SPIRE1: variants seen among roughly 807,000 people sequenced by gnomAD.
The protein encoded by SPIRE1 is spire type actin nucleation factor 1.
SPIRE1 carries 40 observed loss-of-function variants against 94.1 expected under a neutral mutation model. That is an observed-to-expected ratio of 0.43 (90% CI 0.33 to 0.55). The LOEUF is 0.55. Among genes scored for constraint, SPIRE1 ranks in the 20% least tolerant of loss-of-function variants. The pLI is 0.06. For missense variants in SPIRE1, 838 were observed against 975.2 expected, an observed-to-expected ratio of 0.86 and a Z score of 1.87; for synonymous variants, 376 against 371.7, an observed-to-expected ratio of 1.01 and a Z score of -0.13.
intron 2 of SPIRE1, among the ~76,000 whole-genome samples, chr18:12,588,074 A>C (rs905338966): frequency 2.6e-5 from 4 of 152,306 alleles, no homozygotes; most frequent in Non-Finnish European, 4.4e-5. Context: ...CATGTCATAT[A>C]ATGCAATCAT....
At chr18:12,503,585 G>T (rs1024943694) in intron 6 of SPIRE1, among the ~76,000 whole-genome samples, 1 of 152,098 alleles carries the variant, frequency 6.6e-6, no homozygotes, top group African/African-American at 2.4e-5. Flanking sequence ...TCCCATTGCT[G>T]CTTGATCTTT....
chr18:12,489,414 C>G (rs539588963), intron 8 of SPIRE1, among the ~76,000 whole-genome samples: 2 of 152,172 alleles, frequency 1.3e-5, no homozygotes, highest in East Asian at 3.9e-4. Flanking sequence ...TTCTCTAGCA[C>G]TTGAATATAT....
chr18:12,492,629 T>C (rs1489878069), intron 8 of SPIRE1, among the ~76,000 whole-genome samples: 5 of 152,214 alleles, frequency 3.3e-5, no homozygotes, highest in Non-Finnish European at 2.9e-5. Context: ...TATCTTTGTA[T>C]ATGCAATACA....
intron 2 of SPIRE1, among the ~76,000 whole-genome samples, chr18:12,552,656 T>G (rs1451408542): frequency 6.6e-6 from 1 of 152,154 alleles, no homozygotes; most frequent in African/African-American, 2.4e-5. Flanking sequence ...TGAAGATCCC[T>G]GTCCTATTCT....
chr18:12,662,053 T>C, upstream of SPIRE1: 1 of 348,908 alleles, frequency 2.9e-6, no homozygotes. Flanking sequence ...TACTTCATGC[T>C]TCATACTCTG....
At chr18:12,510,095 A>C (rs201676774) in intron 5 of SPIRE1, among the ~76,000 whole-genome samples, 40 of 151,800 alleles carry the variant, frequency 2.6e-4, no homozygotes, top group Admixed American at 1.9e-3. Context: ...AAAAAAAAAA[A>C]AAAACTAAAA....
At chr18:12,624,478 G>A (rs1425993112) in intron 2 of SPIRE1, among the ~76,000 whole-genome samples, 2 of 150,056 alleles carry the variant, frequency 1.3e-5, no homozygotes, top group South Asian at 2.1e-4. Context: ...AGGAGGCGGG[G>A]GTTGCAGTGA....
chr18:12,461,676 G>A (rs2031870273), intron 12 of SPIRE1, among the ~76,000 whole-genome samples: 1 of 151,196 alleles, frequency 6.6e-6, no homozygotes, highest in African/African-American at 2.4e-5. Flanking sequence ...CATCTACGCT[G>A]GGGTGGAGTG....
At chr18:12,490,660 C>G (rs2143843984) in intron 8 of SPIRE1, among the ~76,000 whole-genome samples, 2 of 152,188 alleles carry the variant, frequency 1.3e-5, no homozygotes, top group Middle Eastern at 6.8e-3. Flanking sequence ...ACATGATACA[C>G]CACCGTAACA....
intron 8 of SPIRE1, among the ~76,000 whole-genome samples, chr18:12,492,660 C>T (rs1373138310): frequency 6.6e-6 from 1 of 151,862 alleles, no homozygotes; most frequent in Non-Finnish European, 1.5e-5. Context: ...TATTTTTTTA[C>T]CATAATCCTA....
Position 12,454,598 on chromosome 18 carries a change from C to CTT in SPIRE1, c.1639-116_1639-115insAA. ...AGCTTCAGAGAAGAGAACAGGTTTC[C>CTT]CAATGACCACTGGGGCAGAGCTGGC... On this transcript the variant is annotated intron_variant, in intron 12 of 16. Transcript: ENST00000409402. 4 of 924,630 alleles carry CTT rather than the reference C, an allele frequency of 4.3e-6. No individual in the cohort carries two copies. The African/African-American group carries it at 5.3e-5, about 12-fold the overall frequency. 57.3% of individuals were successfully genotyped at this position (924,630 alleles called of 1,614,324 possible). A position where few individuals can be genotyped will look rare whatever the true frequency, so the allele number is the denominator to read the frequency against.
chr18:12,601,003 T>C (rs2036818759), intron 2 of SPIRE1, among the ~76,000 whole-genome samples: 2 of 152,196 alleles, frequency 1.3e-5, no homozygotes, highest in Admixed American at 6.5e-5. Flanking sequence ...GTTACAGGCA[T>C]GAGCCACTTT....
intron 1 of SPIRE1, among the ~76,000 whole-genome samples, chr18:12,643,468 G>A (rs1197868698): frequency 1.3e-5 from 2 of 152,194 alleles, no homozygotes; most frequent in Non-Finnish European, 2.9e-5. Flanking sequence ...ACACATCTGT[G>A]TCCATTCTCT....
chr18:12,611,835 C>CT (rs71174105), intron 2 of SPIRE1, among the ~76,000 whole-genome samples: 205 of 146,724 alleles, frequency 1.4e-3, no homozygotes, highest in African/African-American at 1.7e-3. Flanking sequence ...AGCTACTTTT[C>CT]TTTTTTTTTT....
chr18:12,591,776 T>C (rs1165001513), intron 2 of SPIRE1, among the ~76,000 whole-genome samples: 1 of 151,998 alleles, frequency 6.6e-6, no homozygotes, highest in African/African-American at 2.4e-5. Flanking sequence ...AGGACCATCC[T>C]GGCTAACACA....
chr18:12,492,437 C>T (rs571211090), intron 8 of SPIRE1, among the ~76,000 whole-genome samples: 1 of 152,076 alleles, frequency 6.6e-6, no homozygotes, highest in South Asian at 2.1e-4. Context: ...TCAATATGTG[C>T]TTGTAGTATA....
chr18:12,556,298 GA>G (rs928110719), intron 2 of SPIRE1, among the ~76,000 whole-genome samples: 13 of 148,278 alleles, frequency 8.8e-5, no homozygotes, highest in African/African-American at 1.7e-4. Context: ...CATAGAAATA[GA>G]AAAAAAAAAT....
At chr18:12,638,103 G>C (rs571754150) in intron 1 of SPIRE1, among the ~76,000 whole-genome samples, 2 of 152,226 alleles carry the variant, frequency 1.3e-5, no homozygotes, top group Admixed American at 6.5e-5. Flanking sequence ...TGACATCAGA[G>C]CTTAAAGGGA....
intron 2 of SPIRE1, among the ~76,000 whole-genome samples, chr18:12,550,963 T>A (rs2035332031): frequency 6.6e-6 from 1 of 152,228 alleles, no homozygotes; most frequent in Non-Finnish European, 1.5e-5. Flanking sequence ...GCACTCTACT[T>A]TCTTCCAAAA....
Sources: gnomAD v4.1 joint callset for allele counts (sites outside exome capture counted in the v4.1 genomes callset) on GRCh38, gnomAD v4.1.1 for gene constraint, MANE v1.5 for transcripts, NCBI Gene and HGNC (gene_info 2026-07-23, HGNC 2026-07-21) for gene names.